TLN2: variants seen among roughly 807,000 people sequenced by gnomAD.
The protein encoded by TLN2 is talin 2.
In TLN2, 118 loss-of-function variants were observed where a neutral mutation model predicts 294.7. The ratio of observed to expected loss-of-function variants is 0.40; its 90% CI spans 0.34 to 0.47. The LOEUF (loss-of-function observed/expected upper bound fraction) is 0.47, where lower values mean the gene tolerates loss of function less well. Among genes scored for constraint, TLN2 ranks in the 20% least tolerant of loss-of-function variants. The probability of loss-of-function intolerance (pLI) is 0.84; values close to 1 mark genes in which losing one functional copy is unlikely to be tolerated. For missense variants in TLN2, 3,083 were observed against 3,282.2 expected (o/e 0.94, Z 1.48); for synonymous variants, 1,431 against 1,304.5 (o/e 1.10, Z -2.09).
intron 1 of TLN2, among the ~76,000 whole-genome samples, chr15:62,579,107 GAATT>G (rs1331621388): frequency 6.6e-6 from 1 of 152,150 alleles, no homozygotes; most frequent in East Asian, 1.9e-4. Context: ...AGGCTGAGGA[GAATT>G]AATTTTCACA....
intron 1 of TLN2, among the ~76,000 whole-genome samples, chr15:62,548,072 G>A (rs1478965829): frequency 6.6e-6 from 1 of 152,174 alleles, no homozygotes; most frequent in African/African-American, 2.4e-5. Flanking sequence ...CTTGTGGAAA[G>A]ATACTTAAAA....
At chr15:62,791,521 C>T (rs2065077289) in intron 45 of TLN2, among the ~76,000 whole-genome samples, 1 of 152,098 alleles carries the variant, frequency 6.6e-6, no homozygotes. Context: ...TGAGAAATAA[C>T]AATTGCAGCA....
chr15:62,571,739 T>A (rs2043876371), intron 1 of TLN2, among the ~76,000 whole-genome samples: 1 of 152,216 alleles, frequency 6.6e-6, no homozygotes, highest in Non-Finnish European at 1.5e-5. Context: ...ACTCGATTAT[T>A]TTGAAATAAA....
At chr15:62,800,224 C>A (rs1420739728) in intron 48 of TLN2, 144 bp from the exon 49 acceptor site, 4 of 1,340,184 alleles carry the variant, frequency 3.0e-6, no homozygotes, top group Non-Finnish European at 4.0e-6. Flanking sequence ...AGGGTGGCTT[C>A]CCAGGAGGTC....
chr15:62,803,011 G>T (rs12441876), intron 50 of TLN2, among the ~76,000 whole-genome samples: 2 of 152,008 alleles, frequency 1.3e-5, no homozygotes, highest in Non-Finnish European at 1.5e-5. Context: ...GTTTTCTCCC[G>T]TTCTGTGGGT....
intron 37 of TLN2, among the ~76,000 whole-genome samples, chr15:62,756,407 G>A (rs914380562): frequency 2.0e-5 from 3 of 152,138 alleles, no homozygotes; most frequent in African/African-American, 7.2e-5. Flanking sequence ...CTAGGACCAA[G>A]CAGGCAGCAG....
intron 1 of TLN2, among the ~76,000 whole-genome samples, chr15:62,557,053 A>G (rs979023375): frequency 6.6e-6 from 1 of 152,230 alleles, no homozygotes; most frequent in South Asian, 2.1e-4. Flanking sequence ...GGAATTCCCC[A>G]TGTATAGGAG....
intron 1 of TLN2, among the ~76,000 whole-genome samples, chr15:62,429,128 G>C (rs985566136): frequency 2.0e-5 from 3 of 150,802 alleles, no homozygotes; most frequent in South Asian, 2.1e-4. Context: ...GGTTGGCGGG[G>C]GTTGGGGGGG....
chr15:62,722,595 C>G lies in TLN2; in HGVS notation c.3126+108C>G, dbSNP rs369047190. 8.3e-5 allele frequency: 112 copies of G among 1,344,402 alleles called. No individual in the cohort carries two copies. The African/African-American group carries it at 1.5e-3, about 18-fold the overall frequency. The allele number at this position is 1,344,402 out of a possible 1,614,324, so 83.3% of individuals were successfully genotyped here. A position where few individuals can be genotyped will look rare whatever the true frequency, so the allele number is the denominator to read the frequency against. On this transcript the variant is annotated intron_variant, in intron 26 of 58. Coordinates refer to ENST00000636159, the MANE Select transcript of TLN2 (RefSeq NM_015059.3). ...TGAACCTATTTCTTGGCAAAGTTGT[C>G]CATTCTACTTGCATGACTATTAAAG...
intron 1 of TLN2, among the ~76,000 whole-genome samples, chr15:62,574,743 C>T (rs2044244084): frequency 6.6e-6 from 1 of 151,826 alleles, no homozygotes; most frequent in African/African-American, 2.4e-5. Context: ...AAATCAGGAC[C>T]CATCAACACT....
At chr15:62,443,826 C>T (rs1259692075) in intron 1 of TLN2, among the ~76,000 whole-genome samples, 1 of 152,006 alleles carries the variant, frequency 6.6e-6, no homozygotes, top group Non-Finnish European at 1.5e-5. Flanking sequence ...ACGGCGAAAC[C>T]CTATCTCTAC....
At chr15:62,607,858 G>A (rs1355555299) in intron 2 of TLN2, among the ~76,000 whole-genome samples, 1 of 152,208 alleles carries the variant, frequency 6.6e-6, no homozygotes, top group Non-Finnish European at 1.5e-5. Flanking sequence ...GAGTCATGCT[G>A]TGGCATGCAG....
intron 19 of TLN2, among the ~76,000 whole-genome samples, chr15:62,706,146 A>G (rs1388323088): frequency 6.6e-6 from 1 of 152,248 alleles, no homozygotes; most frequent in Admixed American, 6.5e-5. Context: ...ATTTCCTTGA[A>G]GGGAAAAGCC....
In TLN2 at chr15:62,748,460, G is replaced by A; in HGVS notation, c.4119+16G>A. 1 of 1,594,290 alleles carries A rather than the reference G, an allele frequency of 6.3e-7. No homozygotes were observed. On this transcript the variant is annotated intron_variant, in intron 33 of 58. Coordinates refer to ENST00000636159, the MANE Select transcript of TLN2 (RefSeq NM_015059.3). Reference sequence around the variant, plus strand: ...GGAGCTCGAGGTAGGTCCCTGGGAAGGCTGCTGAGGACTTGAGAGAGGGAG... The same window carrying A: ...GGAGCTCGAGGTAGGTCCCTGGGAAAGCTGCTGAGGACTTGAGAGAGGGAG...
At chr15:62,441,183 C>T (rs958997521) in intron 1 of TLN2, among the ~76,000 whole-genome samples, 2 of 152,096 alleles carry the variant, frequency 1.3e-5, no homozygotes, top group African/African-American at 4.8e-5. Flanking sequence ...CTTTAGGGCC[C>T]CTCACATGGA....
intron 1 of TLN2, among the ~76,000 whole-genome samples, chr15:62,469,925 T>G (rs537322143): frequency 5.3e-4 from 80 of 152,072 alleles, no homozygotes; most frequent in African/African-American, 1.8e-3. Context: ...CTCTTGCGTG[T>G]GGGTGTGTGT....
rs1253227509 is a variant in TLN2 at position 62,719,790 on chromosome 15, G to C, written c.2901G>C (p.Gln967His). ...SCKAVADHIP[Q>H]LVQGVRGSQA... ...AGGCAGTGGCTGATCACATCCCTCA[G>C]CTGGTCCAGGGAGTGAGGGGGAGCC... is the stretch of plus-strand genomic sequence containing the variant. The change falls in exon 25 of 59, where the codon CAG becomes CAC. Residue 967 changes from glutamine to histidine, a missense_variant. Physicochemically the swap from Gln to His is conservative, Grantham distance 24. Transcript: ENST00000636159. 2 of 1,609,678 alleles carry C rather than the reference G, an allele frequency of 1.2e-6. No individual in the cohort carries two copies. Among genetic ancestry groups the C allele is most frequent in the African/African-American group, 2.7e-5 (2 of 74,770 alleles).
At chr15:62,772,026 C>T (rs757063960) in intron 42 of TLN2, among the ~76,000 whole-genome samples, 1 of 152,238 alleles carries the variant, frequency 6.6e-6, no homozygotes, top group African/African-American at 2.4e-5. Flanking sequence ...TTCGTGGCCT[C>T]GTGCCTTCTT....
Position 62,820,567 on chromosome 15 carries a change from C to A in TLN2, c.6959C>A (p.Ala2320Asp). ...GGGGCTGCAGCATCCATCGAAGCTGCTGCTAAGAAGTTAGAGCAACTGAAG... is the reference window on the plus strand; with the variant it reads ...GGGGCTGCAGCATCCATCGAAGCTGATGCTAAGAAGTTAGAGCAACTGAAG... ...LLGAAASIEA[A>D]AKKLEQLKPR... is the part of the protein sequence containing the mutation. The change falls in exon 54 of 59, where the codon GCT becomes GAT. Residue 2320 changes from alanine to aspartate, a missense_variant. By Grantham distance (126) the Ala-to-Asp change is moderately radical. Transcript: ENST00000636159. 1 of 1,613,928 alleles carries A rather than the reference C, an allele frequency of 6.2e-7. No individual in the cohort carries two copies. Among genetic ancestry groups the A allele is most frequent in the African/African-American group, 1.3e-5 (1 of 75,016 alleles).
Sources: allele counts gnomAD v4.1 joint callset (sites outside exome capture counted in the v4.1 genomes callset), GRCh38; gene constraint gnomAD v4.1.1; transcripts MANE v1.5; gene names NCBI Gene and HGNC (gene_info 2026-07-23, HGNC 2026-07-21).